The following MKX variants were observed in gnomAD, a reference collection of about 807,000 sequenced individuals.
MKX encodes homeobox protein Mohawk.
In MKX, 13 loss-of-function variants were observed where a neutral mutation model predicts 36.0. The observed-to-expected ratio is 0.36, with a 90% CI of 0.24 to 0.57. The LOEUF (loss-of-function observed/expected upper bound fraction) is 0.57, where lower values mean the gene tolerates loss of function less well. Among genes scored for constraint, MKX ranks in the 20% least tolerant of loss-of-function variants. The pLI, the probability that MKX is intolerant of heterozygous loss-of-function variation, is 0.79. For missense variants in MKX, 458 were observed against 456.4 expected, an observed-to-expected ratio of 1.00 and a Z score of -0.03; for synonymous variants, 176 against 178.3, an observed-to-expected ratio of 0.99 and a Z score of 0.10.
chr10:27,738,234 C>G (rs10508728), intron 3 of MKX, among the ~76,000 whole-genome samples: 1 of 151,828 alleles, frequency 6.6e-6, no homozygotes, highest in African/African-American at 2.4e-5. Flanking sequence ...CAGCTAGATA[C>G]ACTCCAAGGT....
rs549642340 is a variant in MKX, at chr10:27,675,361, G to A, written c.927C>T (p.Asn309=). ...CAAGATTTGTTAAGGCCATAGCTGC[G>A]TTGATCTCCTTCCAATACGTGTCAT... is the stretch of plus-strand genomic sequence containing the variant. ...SKDDTYWKEI[N]AAMALTNLAQ... is the part of the protein sequence containing the mutation. The change falls in exon 7 of 7, where the codon AAC becomes AAT. Residue 309 remains asparagine, a synonymous_variant. Coordinates refer to ENST00000419761, the MANE Select transcript of MKX (RefSeq NM_173576.3). 4.7e-5 allele frequency: 76 copies of A among 1,614,200 alleles called. No homozygotes were observed. In the South Asian group the frequency reaches 5.7e-4, roughly 12 times the overall value.
chr10:27,721,262 A>G (rs1480062138), intron 5 of MKX, among the ~76,000 whole-genome samples: 1 of 990 alleles, frequency 1.0e-3, no homozygotes, highest in Non-Finnish European at 2.1e-3. Flanking sequence ...AATATTTTGA[A>G]AAAAAAAAAT....
At chr10:27,702,163 A>G (rs914741415) in intron 5 of MKX, among the ~76,000 whole-genome samples, 2 of 152,220 alleles carry the variant, frequency 1.3e-5, no homozygotes, top group East Asian at 3.9e-4. Context: ...CCAGGCACGG[A>G]CAAAGCCAAA....
At position 27,734,679 on chromosome 10, in the gene MKX, C is replaced by T; in HGVS notation, c.615G>A (p.Glu205=). 6.2e-7 allele frequency: 1 copy of T among 1,614,158 alleles called. No homozygotes were observed. Among genetic ancestry groups the T allele is most frequent in the East Asian group, 2.2e-5 (1 of 44,874 alleles). Residue 205 remains glutamate, a synonymous_variant, in exon 5 of 7, where the codon GAG becomes GAA. Transcript: ENST00000419761. ...NSVIKAGVRP[E]SRASEDYVAP... ...CCACGTAGTCCTCACTGGCCCGTGA[C>T]TCTGGCCTCACTCCCGCTTTGATGA...
chr10:27,697,329 T>C (rs1339909278), intron 5 of MKX, among the ~76,000 whole-genome samples: 2 of 152,232 alleles, frequency 1.3e-5, no homozygotes, highest in African/African-American at 2.4e-5. Flanking sequence ...ATACTTTGCA[T>C]GCAGAATGTT....
At position 27,742,257 on chromosome 10, in the gene MKX, G is replaced by A. The variant is rs1163609537; in HGVS notation, c.189-753C>T. Among the ~76,000 whole-genome samples the A allele has an allele frequency of 6.6e-6, 1 of 152,142 alleles. No individual in the cohort carries two copies. Among genetic ancestry groups the A allele is most frequent in the Non-Finnish European group, 1.5e-5 (1 of 68,020 alleles). On this transcript the variant is annotated intron_variant, in intron 2 of 6. Transcript: ENST00000419761. This position sits in a 1 kb window ranked among gnomAD's most constrained non-coding sequence, Gnocchi z 4.2. The stretch of plus-strand genomic sequence containing the variant: ...GAGGCAGCCAGGAGCCTGGAGCGTG[G>A]CCTGGGGCGCTGCGCTCCCTCACGG...
At chr10:27,708,555 C>T (rs1276269638) in intron 5 of MKX, among the ~76,000 whole-genome samples, 1 of 152,052 alleles carries the variant, frequency 6.6e-6, no homozygotes, top group East Asian at 1.9e-4. Context: ...CATGGTGAAA[C>T]CCCATCTCCT....
intron 5 of MKX, among the ~76,000 whole-genome samples, chr10:27,711,776 G>A (rs1836878218): frequency 6.7e-6 from 1 of 149,470 alleles, no homozygotes; most frequent in South Asian, 2.1e-4. Context: ...AATAGAAATG[G>A]GGTCTCGGTA....
chr10:27,694,516 T>TAAAA (rs57248902), intron 5 of MKX, among the ~76,000 whole-genome samples: 14 of 111,510 alleles, frequency 1.3e-4, no homozygotes, highest in South Asian at 3.3e-4. Flanking sequence ...CCGTCTCTAC[T>TAAAA]AAAAAAAAAA....
At chr10:27,709,583 G>A (rs548966250) in intron 5 of MKX, among the ~76,000 whole-genome samples, 52 of 152,340 alleles carry the variant, frequency 3.4e-4, no homozygotes, top group African/African-American at 1.2e-3. Flanking sequence ...ATGTGGCTCT[G>A]TTCCACATGT....
chr10:27,688,433 A>C (rs1836397049), intron 5 of MKX, among the ~76,000 whole-genome samples: 1 of 152,250 alleles, frequency 6.6e-6, no homozygotes, highest in South Asian at 2.1e-4. Context: ...CCTTTGTGCC[A>C]AAACACCACA....
intron 3 of MKX, among the ~76,000 whole-genome samples, chr10:27,738,013 G>GGA (rs1834815769): frequency 6.6e-6 from 1 of 151,948 alleles, no homozygotes; most frequent in African/African-American, 2.4e-5. Context: ...TTCATGTATA[G>GGA]GAGTCATATC....
chr10:27,704,711 A>G (rs1564353783), intron 5 of MKX, among the ~76,000 whole-genome samples: 1 of 152,192 alleles, frequency 6.6e-6, no homozygotes, highest in Non-Finnish European at 1.5e-5. Context: ...GATATTCCAA[A>G]TTGATGAAAG....
At position 27,673,192 on chromosome 10, in the gene MKX, A is replaced by T. The variant is rs1836080995; in HGVS notation, c.*2037T>A. On this transcript the variant is annotated 3_prime_UTR_variant, in exon 7 of 7. Transcript: ENST00000419761. ...TGACATGTTAATTATAAAATCTTCC[A>T]ACCTTTGGTATTAAAAAAAATCATG... is the stretch of plus-strand genomic sequence containing the variant. The T allele has an allele frequency of 6.6e-6, 1 of 152,166 alleles. No individual in the cohort carries two copies. Among genetic ancestry groups the T allele is most frequent in the Non-Finnish European group, 1.5e-5 (1 of 68,018 alleles). 9.4% of individuals were successfully genotyped at this position (152,166 alleles called of 1,614,324 possible). A position where few individuals can be genotyped will look rare whatever the true frequency, so the allele number is the denominator to read the frequency against.
In MKX at chr10:27,739,279, T is replaced by C. The variant is rs1484376674; in HGVS notation, c.348+2066A>G. 2.6e-5 allele frequency among the ~76,000 whole-genome samples: 4 copies of C among 152,198 alleles called. No homozygotes were observed. In the East Asian group the frequency reaches 5.8e-4, roughly 22 times the overall value. On this transcript the variant is annotated intron_variant, in intron 3 of 6. Coordinates refer to ENST00000419761, the MANE Select transcript of MKX (RefSeq NM_173576.3). The stretch of plus-strand genomic sequence containing the variant: ...GCCATAGGATCAGCCATAAGATCCG[T>C]TGGTAATTCTATACATTTTTATTTT...
rs769230568 is a variant in MKX, at chr10:27,741,605, A to T, written c.189-101T>A. ...CCCGGGCCCCGCATCCAAACTGCGC[A>T]TTCCTGCCTTGCGCCCCTGCTTTGC... On this transcript the variant is annotated intron_variant, in intron 2 of 6. Coordinates refer to ENST00000419761, the MANE Select transcript of MKX (RefSeq NM_173576.3). The surrounding 1 kb of genome is among the most constrained non-coding windows in gnomAD (Gnocchi z 5.1). 6.2e-4 allele frequency: 838 copies of T among 1,361,134 alleles called. 2 individuals carry two copies. The highest frequency in any genetic ancestry group is 7.5e-4 in the Non-Finnish European group (772 of 1,027,780). The allele number at this position is 1,361,134 out of a possible 1,614,324, so 84.3% of individuals were successfully genotyped here.
At chr10:27,677,046 G>T (rs775168290) in intron 5 of MKX, among the ~76,000 whole-genome samples, 1 of 152,186 alleles carries the variant, frequency 6.6e-6, no homozygotes, top group Non-Finnish European at 1.5e-5. Context: ...GAAAGATGTA[G>T]GGTGGTAGGA....
rs755202406 is a variant in MKX at position 27,743,365 on chromosome 10, G to A, written c.51C>T (p.Asp17=). The A allele has an allele frequency of 6.3e-6, 10 of 1,577,808 alleles. No homozygotes were observed. The Admixed American group carries it at 1.6e-4, about 26-fold the overall frequency. The change falls in exon 2 of 7, where the codon GAC becomes GAT. Residue 17 remains aspartate, a synonymous_variant. Transcript: ENST00000419761. ...CCCGCTCCCGCTCCGAGGCGCCTCCGTCCTCAAACAGCACCGCACCGCTGA... is the reference window on the plus strand; with the variant it reads ...CCCGCTCCCGCTCCGAGGCGCCTCCATCCTCAAACAGCACCGCACCGCTGA... ...NKLSGAVLFE[D]GGASERERGG... is the part of the protein sequence containing the mutation.
chr10:27,681,127 T>C (rs1438587475), intron 5 of MKX, among the ~76,000 whole-genome samples: 2 of 152,216 alleles, frequency 1.3e-5, no homozygotes, highest in Non-Finnish European at 2.9e-5. Flanking sequence ...ACATTGCTCA[T>C]GTATTTGTGG....
Sources: allele counts gnomAD v4.1 joint callset (sites outside exome capture counted in the v4.1 genomes callset), GRCh38; gene constraint gnomAD v4.1.1; non-coding constraint Gnocchi (gnomAD v3.1); transcripts MANE v1.5; gene names NCBI Gene and HGNC (gene_info 2026-07-23, HGNC 2026-07-21).